The following HTR7 variants were observed in gnomAD, a reference collection of about 807,000 sequenced individuals.
HTR7 encodes 5-hydroxytryptamine receptor 7, also known as 5-HT-7.
HTR7 carries 16 observed loss-of-function variants against 34.0 expected under a neutral mutation model. The ratio of observed to expected loss-of-function variants is 0.47; its 90% confidence interval spans 0.32 to 0.71. HTR7 has a LOEUF of 0.71. Ranked by LOEUF, HTR7 falls within the 30% of genes least tolerant of loss-of-function variation. HTR7 has a pLI of 0.04. For synonymous variants in HTR7, 265 were observed against 260.2 expected, an observed-to-expected ratio of 1.02 and a Z score of -0.18; for missense variants, 504 against 625.5, an observed-to-expected ratio of 0.81 and a Z score of 2.07.
chr10:90,822,066 AG>A (rs1054672979), intron 1 of HTR7, among the ~76,000 whole-genome samples: 2 of 152,178 alleles, frequency 1.3e-5, no homozygotes, highest in African/African-American at 4.8e-5. Flanking sequence ...AATTGGTACC[AG>A]GAGTGGGGCA....
At chr10:90,812,618 C>G (rs1845831303) in intron 1 of HTR7, among the ~76,000 whole-genome samples, 1 of 152,112 alleles carries the variant, frequency 6.6e-6, no homozygotes, top group South Asian at 2.1e-4. Context: ...CAATATCACC[C>G]CTTACCACAA....
chr10:90,782,468 G>GATGGC (rs1287014768), intron 1 of HTR7, among the ~76,000 whole-genome samples: 1 of 152,104 alleles, frequency 6.6e-6, no homozygotes, highest in African/African-American at 2.4e-5. Context: ...TGATGATGAT[G>GATGGC]ATGGCAATGA....
intron 1 of HTR7, among the ~76,000 whole-genome samples, chr10:90,767,984 G>T (rs1030911793): frequency 2.0e-5 from 3 of 152,076 alleles, no homozygotes; most frequent in African/African-American, 7.2e-5. Flanking sequence ...TCTTTAAAGT[G>T]TCTTATTCAC....
chr10:90,807,706 G>A (rs1043190295), intron 1 of HTR7, among the ~76,000 whole-genome samples: 5 of 152,190 alleles, frequency 3.3e-5, no homozygotes, highest in Non-Finnish European at 5.9e-5. Context: ...CACAAAGCCT[G>A]TTTGGTGGTC....
intron 1 of HTR7, among the ~76,000 whole-genome samples, chr10:90,757,860 T>C (rs1205558779): frequency 6.6e-6 from 1 of 152,138 alleles, no homozygotes; most frequent in Non-Finnish European, 1.5e-5. Flanking sequence ...AGAATAGAAG[T>C]TGTTTTCCTA....
At chr10:90,821,449 A>G (rs1349722235) in intron 1 of HTR7, among the ~76,000 whole-genome samples, 1 of 152,226 alleles carries the variant, frequency 6.6e-6, no homozygotes, top group Non-Finnish European at 1.5e-5. Flanking sequence ...AACCAACCCT[A>G]GCCAAAGGGG....
At chr10:90,844,366 T>C (rs754656154) in intron 1 of HTR7, among the ~76,000 whole-genome samples, 1 of 152,154 alleles carries the variant, frequency 6.6e-6, no homozygotes, top group Non-Finnish European at 1.5e-5. Flanking sequence ...TTTGAGGGGA[T>C]TCCTAGGTGA....
rs1465454921 is a variant in HTR7 at position 90,857,122 on chromosome 10, C to T, written c.539+11G>A. On this transcript the variant is annotated intron_variant, in intron 1 of 3. Coordinates refer to ENST00000336152, the MANE Select transcript of HTR7 (RefSeq NM_019859.4). The surrounding 1 kb of genome is among the most constrained non-coding windows in gnomAD (Gnocchi z 6.5). ...CAGCCGGAGCCTGGGACGGGGCGGT[C>T]CGGCCCTTACCTGTCAATGCTGATC... 1.3e-6 allele frequency: 2 copies of T among 1,551,460 alleles called. No individual in the cohort carries two copies. The highest frequency in any genetic ancestry group is 1.4e-5 in the African/African-American group (1 of 73,748).
intron 1 of HTR7, among the ~76,000 whole-genome samples, chr10:90,853,267 AT>A (rs1459161254): frequency 2.0e-5 from 3 of 148,938 alleles, no homozygotes; most frequent in Admixed American, 6.7e-5. Context: ...ATAAAAAGTA[AT>A]TTGATTTCTT....
intron 1 of HTR7, among the ~76,000 whole-genome samples, chr10:90,819,214 C>A (rs956046905): frequency 6.6e-6 from 1 of 152,140 alleles, no homozygotes. Context: ...TTGATAGATA[C>A]AAAACTCTAA....
intron 1 of HTR7, among the ~76,000 whole-genome samples, chr10:90,835,562 T>G (rs1846241510): frequency 6.6e-6 from 1 of 152,224 alleles, no homozygotes; most frequent in Non-Finnish European, 1.5e-5. Flanking sequence ...CTATTGCTTG[T>G]TTTCTTGTTT....
At chr10:90,830,030 G>A (rs905306126) in intron 1 of HTR7, among the ~76,000 whole-genome samples, 2 of 152,170 alleles carry the variant, frequency 1.3e-5, no homozygotes, top group East Asian at 1.9e-4. Context: ...CAGATTCAAT[G>A]CAATCCATAT....
intron 1 of HTR7, among the ~76,000 whole-genome samples, chr10:90,765,726 AT>A (rs1212394259): frequency 6.6e-6 from 1 of 151,758 alleles, no homozygotes; most frequent in African/African-American, 2.4e-5. Flanking sequence ...TTGTGTTTCC[AT>A]TTTTGTTTGT....
chr10:90,742,235 T>G lies in HTR7; in HGVS notation c.*247A>C, dbSNP rs969160508. 3 of 318,386 alleles carry G rather than the reference T, an allele frequency of 9.4e-6. No individual in the cohort carries two copies. Among genetic ancestry groups the G allele is most frequent in the African/African-American group, 6.5e-5 (3 of 46,500 alleles). 19.7% of individuals were successfully genotyped at this position (318,386 alleles called of 1,614,324 possible). On this transcript the variant is annotated 3_prime_UTR_variant, in exon 4 of 4. Transcript: ENST00000336152. ...CCTTTCTGGAACTCAGTTCTGTTGGTGTGCTTACTGCTGAGATGATCTGCT... is the reference window on the plus strand; with the variant it reads ...CCTTTCTGGAACTCAGTTCTGTTGGGGTGCTTACTGCTGAGATGATCTGCT...
chr10:90,851,333 G>A (rs1439578131), intron 1 of HTR7, among the ~76,000 whole-genome samples: 1 of 152,182 alleles, frequency 6.6e-6, no homozygotes, highest in Non-Finnish European at 1.5e-5. Context: ...GAGGCTGGGT[G>A]CGTTGGCTCA....
chr10:90,808,124 C>A (rs983455862), intron 1 of HTR7, among the ~76,000 whole-genome samples: 1 of 152,216 alleles, frequency 6.6e-6, no homozygotes, highest in African/African-American at 2.4e-5. Context: ...TATTCACCCA[C>A]GTTTCAGAGG....
At chr10:90,845,571 A>T (rs1360040736) in intron 1 of HTR7, among the ~76,000 whole-genome samples, 6 of 152,216 alleles carry the variant, frequency 3.9e-5, no homozygotes, top group Non-Finnish European at 5.9e-5. Flanking sequence ...TATTGTAAAG[A>T]TTCTATGAGA....
At chr10:90,822,279 T>G (rs531401456) in intron 1 of HTR7, among the ~76,000 whole-genome samples, 15 of 152,274 alleles carry the variant, frequency 9.9e-5, no homozygotes, top group African/African-American at 3.6e-4. Context: ...CAGATGGAGA[T>G]GAGGAACTTA....
intron 1 of HTR7, among the ~76,000 whole-genome samples, chr10:90,764,303 T>G (rs545976744): frequency 3.5e-5 from 5 of 143,538 alleles, no homozygotes; most frequent in Admixed American, 2.0e-4. Flanking sequence ...TTTGATGGGG[T>G]TGCTTGTTTT....
Sources: allele counts gnomAD v4.1 joint callset (sites outside exome capture counted in the v4.1 genomes callset), GRCh38; gene constraint gnomAD v4.1.1; non-coding constraint Gnocchi (gnomAD v3.1); transcripts MANE v1.5; gene names NCBI Gene and HGNC (gene_info 2026-07-23, HGNC 2026-07-21).